The following RELN variants were observed in gnomAD, a reference collection of about 807,000 sequenced individuals.
RELN encodes the protein reelin.
In RELN, 108 loss-of-function variants were observed where a neutral mutation model predicts 427.6. The ratio of observed to expected loss-of-function variants is 0.25; its 90% confidence interval spans 0.22 to 0.30. RELN has a LOEUF of 0.30. Ranked by LOEUF, RELN falls within the 10% of genes least tolerant of loss-of-function variation. The pLI is 1.00. For missense variants in RELN, 3,715 were observed against 4,302.8 expected (o/e 0.86, Z 3.82); for synonymous variants, 1,524 against 1,513.4 (o/e 1.01, Z -0.16).
chr7:103,777,883 T>TCTCACACACACA (rs1554417533), intron 3 of RELN, among the ~76,000 whole-genome samples: 1 of 143,870 alleles, frequency 7.0e-6, no homozygotes, highest in Non-Finnish European at 1.5e-5. Flanking sequence ...TGTTATACCT[T>TCTCACACACACA]CACACACACA....
intron 51 of RELN, among the ~76,000 whole-genome samples, chr7:103,508,619 C>G (rs1034699781): frequency 1.3e-5 from 2 of 152,034 alleles, no homozygotes; most frequent in African/African-American, 4.8e-5. Flanking sequence ...TTAGCTCTCT[C>G]TCTTATTCAA....
intron 3 of RELN, among the ~76,000 whole-genome samples, chr7:103,779,607 G>A (rs538579439): frequency 1.3e-5 from 2 of 152,302 alleles, no homozygotes; most frequent in South Asian, 2.1e-4. Context: ...GGCAGTTTGA[G>A]TGTAGAGTCT....
chr7:103,510,032 C>A (rs1303507718), intron 51 of RELN, among the ~76,000 whole-genome samples: 1 of 152,186 alleles, frequency 6.6e-6, no homozygotes, highest in African/African-American at 2.4e-5. Flanking sequence ...CGCTTTTACA[C>A]TGTTGGTGGG....
chr7:103,712,485 C>T (rs912876039), intron 8 of RELN, among the ~76,000 whole-genome samples: 1 of 152,190 alleles, frequency 6.6e-6, no homozygotes, highest in Non-Finnish European at 1.5e-5. Flanking sequence ...TAGATGAATT[C>T]TATAATTCAA....
chr7:103,947,308 A>G (rs1796240839), intron 1 of RELN, among the ~76,000 whole-genome samples: 1 of 152,198 alleles, frequency 6.6e-6, no homozygotes, highest in African/African-American at 2.4e-5. Flanking sequence ...CATTTGCTTA[A>G]GTCCTAATCC....
intron 10 of RELN, 143 bp from the exon 11 acceptor site, chr7:103,682,404 C>T (rs997328825): frequency 2.3e-6 from 2 of 859,362 alleles, no homozygotes; most frequent in Non-Finnish European, 3.8e-6. Flanking sequence ...GAGCTTGTTA[C>T]CTCTTTTTTG....
rs1196990431 is a variant in RELN at position 103,968,690 on chromosome 7, T to A, written c.226+20441A>T. Among the ~76,000 whole-genome samples, 1 of 152,154 alleles carries A rather than the reference T, an allele frequency of 6.6e-6. No homozygotes were observed. The highest frequency in any genetic ancestry group is 1.5e-5 in the Non-Finnish European group (1 of 68,028). ...CAACTAAAGAAAAGAGGCATTAGAT[T>A]ATTAAGAACCAGTTAGAAAAGGTGA... is the stretch of plus-strand genomic sequence containing the variant. On this transcript the variant is annotated intron_variant, in intron 1 of 64. Coordinates refer to ENST00000428762, the MANE Select transcript of RELN (RefSeq NM_005045.4). This position sits in a 1 kb window ranked among gnomAD's most constrained non-coding sequence, Gnocchi z 4.3.
rs1796368414 is a variant in RELN, at chr7:103,953,250, T to C, written c.226+35881A>G. Among the ~76,000 whole-genome samples, 1 of 152,190 alleles carries C rather than the reference T, an allele frequency of 6.6e-6. No individual in the cohort carries two copies. The highest frequency in any genetic ancestry group is 2.4e-5 in the African/African-American group (1 of 41,452). On this transcript the variant is annotated intron_variant, in intron 1 of 64. Transcript: ENST00000428762. This position sits in a 1 kb window ranked among gnomAD's most constrained non-coding sequence, Gnocchi z 4.3. ...ACTCATATTTATTGCAAACAGTTGA[T>C]TGAAAAAGTTAAAATACTGCCCTAC...
intron 2 of RELN, among the ~76,000 whole-genome samples, chr7:103,845,620 A>C (rs1793655464): frequency 6.6e-6 from 1 of 152,164 alleles, no homozygotes; most frequent in South Asian, 2.1e-4. Flanking sequence ...CTTTTTAGAC[A>C]TTCTCCTAAT....
At position 103,953,012 on chromosome 7, in the gene RELN, C is replaced by G. The variant is rs1796363985; in HGVS notation, c.227-35827G>C. On this transcript the variant is annotated intron_variant, in intron 1 of 64. Coordinates refer to ENST00000428762, the MANE Select transcript of RELN (RefSeq NM_005045.4). This position sits in a 1 kb window ranked among gnomAD's most constrained non-coding sequence, Gnocchi z 4.3. The stretch of plus-strand genomic sequence containing the variant: ...CTATACTCCTCTATAATCTCATAGC[C>G]ACTACTGCATTCACCTCCCAATGTG... Among the ~76,000 whole-genome samples, 1 of 152,116 alleles carries G rather than the reference C, an allele frequency of 6.6e-6. No individual in the cohort carries two copies. Among genetic ancestry groups the G allele is most frequent in the African/African-American group, 2.4e-5 (1 of 41,398 alleles).
At chr7:103,987,683 G>GTAGC (rs2116856820) in intron 1 of RELN, among the ~76,000 whole-genome samples, 1 of 152,284 alleles carries the variant, frequency 6.6e-6, no homozygotes, top group African/African-American at 2.4e-5. Flanking sequence ...TGCCATCACA[G>GTAGC]TAGCTGCTCC....
At chr7:103,706,209 T>C (rs1262575477) in intron 8 of RELN, among the ~76,000 whole-genome samples, 1 of 149,234 alleles carries the variant, frequency 6.7e-6, no homozygotes, top group African/African-American at 2.5e-5. Context: ...AAGAGAAGAA[T>C]CTCCTTTCAC....
At chr7:103,580,576 T>C (rs1367607273) in intron 28 of RELN, among the ~76,000 whole-genome samples, 2 of 152,208 alleles carry the variant, frequency 1.3e-5, no homozygotes. Context: ...ATTTAATTAA[T>C]TATTTTTTTT....
intron 3 of RELN, among the ~76,000 whole-genome samples, chr7:103,797,537 C>T (rs1432474100): frequency 6.6e-6 from 1 of 152,142 alleles, no homozygotes; most frequent in African/African-American, 2.4e-5. Context: ...TTCATTTGTC[C>T]TTAAGAAATT....
chr7:103,861,144 C>G (rs1347463494), intron 2 of RELN, among the ~76,000 whole-genome samples: 3 of 151,984 alleles, frequency 2.0e-5, no homozygotes, highest in Admixed American at 2.0e-4. Flanking sequence ...TTCTGATATA[C>G]ACAGTTATTA....
chr7:103,819,239 T>A (rs1199284164), intron 3 of RELN, among the ~76,000 whole-genome samples: 1 of 151,246 alleles, frequency 6.6e-6, no homozygotes, highest in South Asian at 2.1e-4. Context: ...ATCAACTCTA[T>A]TTATGACATA....
chr7:103,497,183 A>G (rs1441112686), intron 55 of RELN, among the ~76,000 whole-genome samples: 13 of 152,188 alleles, frequency 8.5e-5, no homozygotes, highest in Admixed American at 8.5e-4. Flanking sequence ...TTCTTGCTTG[A>G]TAAGATTGCA....
rs536488683 is a variant in RELN at position 103,822,628 on chromosome 7, AC to A, written c.473+10908del. The stretch of plus-strand genomic sequence containing the variant: ...TTCAACAACCAATGTTTAAAGAATT[AC>A]TTTGGCCGGGCGCGGTGGCTCACGC... On this transcript the variant is annotated intron_variant, in intron 3 of 64. Transcript: ENST00000428762. 9.4e-4 allele frequency among the ~76,000 whole-genome samples: 14 copies of A among 14,846 alleles called. 3 individuals are homozygous for A. The highest frequency in any genetic ancestry group is 1.3e-3 in the African/African-American group (14 of 10,410). 9.7% of individuals were successfully genotyped at this position (14,846 alleles called of 152,430 possible). A position where few individuals can be genotyped will look rare whatever the true frequency, so the allele number is the denominator to read the frequency against.
chr7:103,576,954 G>GCA (rs148426336), intron 28 of RELN, among the ~76,000 whole-genome samples: 21 of 150,590 alleles, frequency 1.4e-4, no homozygotes, highest in African/African-American at 3.2e-4. Flanking sequence ...GTGCACACAC[G>GCA]CACACACACA....
Sources: gnomAD v4.1 joint callset for allele counts (sites outside exome capture counted in the v4.1 genomes callset) on GRCh38, gnomAD v4.1.1 for gene constraint, Gnocchi (gnomAD v3.1) non-coding constraint, MANE v1.5 for transcripts, NCBI Gene and HGNC (gene_info 2026-07-23, HGNC 2026-07-21) for gene names.